The following ADAMTSL1 variants were observed in gnomAD, a reference collection of about 807,000 sequenced individuals.
ADAMTSL1 encodes ADAMTS-like protein 1.
A neutral mutation model predicts 201.8 loss-of-function variants in ADAMTSL1; 126 were observed. That is an observed-to-expected ratio of 0.62 (90% CI 0.54 to 0.72). The LOEUF is 0.72. Ranked by LOEUF, ADAMTSL1 falls within the 30% of genes least tolerant of loss-of-function variation. The pLI is 0.00. For synonymous variants in ADAMTSL1, 1,121 were observed against 903.4 expected (o/e 1.24, Z -4.32); for missense variants, 2,679 against 2,277.8 (o/e 1.18, Z -3.59).
At chr9:18,838,385 AC>A (rs1288192273) in intron 23 of ADAMTSL1, among the ~76,000 whole-genome samples, 52 of 150,348 alleles carry the variant, frequency 3.5e-4, no homozygotes, top group African/African-American at 1.1e-3. Flanking sequence ...ACACACACAC[AC>A]ACACACACAC....
chr9:17,942,453 G>A (rs952831420), intron 1 of ADAMTSL1, among the ~76,000 whole-genome samples: 1 of 152,154 alleles, frequency 6.6e-6, no homozygotes, highest in East Asian at 1.9e-4. Context: ...ACAGGGAACA[G>A]CATCAAACGC....
intron 2 of ADAMTSL1, among the ~76,000 whole-genome samples, chr9:18,523,018 T>G (rs1818799796): frequency 6.6e-6 from 1 of 152,216 alleles, no homozygotes; most frequent in Non-Finnish European, 1.5e-5. Context: ...ATCGCCACAC[T>G]GTCTTCCACA....
At chr9:18,245,358 A>T (rs1831220004) in intron 2 of ADAMTSL1, among the ~76,000 whole-genome samples, 1 of 152,152 alleles carries the variant, frequency 6.6e-6, no homozygotes, top group Non-Finnish European at 1.5e-5. Flanking sequence ...TTGTGATAGT[A>T]AATCTTAGGA....
chr9:18,094,690 A>T (rs1395820093), intron 1 of ADAMTSL1, among the ~76,000 whole-genome samples: 1 of 151,054 alleles, frequency 6.6e-6, no homozygotes, highest in African/African-American at 2.4e-5. Flanking sequence ...CCTCCCGAGT[A>T]GGTGGGACTA....
At chr9:18,800,654 AAAAG>A (rs1312458068) in intron 20 of ADAMTSL1, among the ~76,000 whole-genome samples, 12 of 152,204 alleles carry the variant, frequency 7.9e-5, no homozygotes, top group Admixed American at 7.8e-4. Flanking sequence ...GAGGAAATAA[AAAAG>A]AAAGTATAAG....
intron 15 of ADAMTSL1, among the ~76,000 whole-genome samples, chr9:18,735,789 C>T (rs2570567): frequency 0.22 from 29,237 of 134,956 alleles, 3,378 homozygotes; most frequent in Middle Eastern, 0.34. Flanking sequence ...CTTGCTCTGT[C>T]GTCCAGGCTG....
chr9:18,399,082 T>A (rs1224193107), intron 2 of ADAMTSL1, among the ~76,000 whole-genome samples: 1 of 151,510 alleles, frequency 6.6e-6, no homozygotes, highest in Non-Finnish European at 1.5e-5. Flanking sequence ...GTTACAGAGA[T>A]GAATCCAGTA....
intron 16 of ADAMTSL1, among the ~76,000 whole-genome samples, chr9:18,762,322 A>T (rs1282156249): frequency 2.0e-5 from 3 of 152,130 alleles, no homozygotes; most frequent in Non-Finnish European, 4.4e-5. Context: ...GGGTTGGAGG[A>T]GGCTTTAATG....
intron 1 of ADAMTSL1, among the ~76,000 whole-genome samples, chr9:17,958,268 A>G (rs1167467939): frequency 6.6e-6 from 1 of 152,176 alleles, no homozygotes; most frequent in Admixed American, 6.6e-5. Flanking sequence ...ATTTCACAAT[A>G]CAGAAAAACA....
intron 3 of ADAMTSL1, among the ~76,000 whole-genome samples, chr9:18,556,731 A>G (rs936317582): frequency 1.3e-5 from 2 of 152,078 alleles, no homozygotes; most frequent in African/African-American, 2.4e-5. Flanking sequence ...GTCATCCATT[A>G]AACTTATAAC....
chr9:18,146,298 G>C (rs1826636634), intron 1 of ADAMTSL1, among the ~76,000 whole-genome samples: 1 of 152,104 alleles, frequency 6.6e-6, no homozygotes, highest in Non-Finnish European at 1.5e-5. Flanking sequence ...CCTGCAGTCA[G>C]ATATTTATGG....
chr9:18,083,095 T>A (rs554090596), intron 1 of ADAMTSL1, among the ~76,000 whole-genome samples: 2 of 152,320 alleles, frequency 1.3e-5, no homozygotes, highest in African/African-American at 4.8e-5. Flanking sequence ...ATGTGGAACG[T>A]AAGACTTGAG....
intron 2 of ADAMTSL1, among the ~76,000 whole-genome samples, chr9:18,303,377 A>G (rs1328328768): frequency 6.6e-6 from 1 of 152,182 alleles, no homozygotes; most frequent in African/African-American, 2.4e-5. Flanking sequence ...AGAGAATGAG[A>G]TAGGTCTTTC....
chr9:18,639,628 T>G (rs760630190), intron 7 of ADAMTSL1, among the ~76,000 whole-genome samples: 3 of 152,080 alleles, frequency 2.0e-5, no homozygotes, highest in Non-Finnish European at 4.4e-5. Flanking sequence ...ATTATATAAT[T>G]AATACAATCT....
chr9:18,700,966 C>T (rs753865311), intron 13 of ADAMTSL1, among the ~76,000 whole-genome samples: 1 of 152,104 alleles, frequency 6.6e-6, no homozygotes. Context: ...TTTATTTAGG[C>T]AAATATGAAT....
intron 2 of ADAMTSL1, among the ~76,000 whole-genome samples, chr9:18,432,046 C>T (rs1276828903): frequency 1.3e-5 from 2 of 152,160 alleles, no homozygotes; most frequent in Admixed American, 1.3e-4. Flanking sequence ...ATGAATTTTC[C>T]TTTTAAACCT....
At chr9:18,316,456 C>T (rs898607991) in intron 2 of ADAMTSL1, among the ~76,000 whole-genome samples, 2 of 151,994 alleles carry the variant, frequency 1.3e-5, no homozygotes, top group South Asian at 2.1e-4. Flanking sequence ...TACCTCCAGG[C>T]GTGTATTCTC....
At chr9:17,972,050 G>C (rs1297399101) in intron 1 of ADAMTSL1, among the ~76,000 whole-genome samples, 1 of 151,786 alleles carries the variant, frequency 6.6e-6, no homozygotes, top group Non-Finnish European at 1.5e-5. Flanking sequence ...ATTGTAAAAT[G>C]ATTACCACTA....
chr9:18,154,020 C>T (rs1186546935), intron 1 of ADAMTSL1, among the ~76,000 whole-genome samples: 4 of 151,918 alleles, frequency 2.6e-5, no homozygotes, highest in Non-Finnish European at 5.9e-5. Flanking sequence ...ATCACAGGGG[C>T]CTGCTAAAAG....
Sources: gnomAD v4.1 joint callset for allele counts (sites outside exome capture counted in the v4.1 genomes callset) on GRCh38, gnomAD v4.1.1 for gene constraint, MANE v1.5 for transcripts, NCBI Gene and HGNC (gene_info 2026-07-23, HGNC 2026-07-21) for gene names.